The following TENM3 variants were observed in gnomAD, a reference collection of about 807,000 sequenced individuals.
TENM3 encodes the protein teneurin transmembrane protein 3, also known as teneurin-3.
A neutral mutation model predicts 255.1 loss-of-function variants in TENM3; 63 were observed. That is an observed-to-expected ratio of 0.25 (90% CI 0.20 to 0.30). TENM3 has a LOEUF of 0.30. Ranked by LOEUF, TENM3 falls within the 10% of genes least tolerant of loss-of-function variation. The pLI is 1.00. For synonymous variants in TENM3, 1,306 were observed against 1,322.3 expected, an observed-to-expected ratio of 0.99 and a Z score of 0.27; for missense variants, 2,929 against 3,461.1, an observed-to-expected ratio of 0.85 and a Z score of 3.86.
intron 3 of TENM3, among the ~76,000 whole-genome samples, chr4:182,528,738 T>C (rs190828738): frequency 1.3e-5 from 2 of 152,324 alleles, no homozygotes; most frequent in African/African-American, 4.8e-5. Flanking sequence ...CTGGGCCACA[T>C]TGGAAGAATT....
Position 182,751,876 on chromosome 4 carries a change from C to T in TENM3, c.3706C>T (p.Arg1236Cys), listed in dbSNP as rs753253485. Residue 1236 changes from arginine (R) to cysteine (C), a missense_variant, in exon 20 of 28, where the codon CGC (arginine) becomes TGC (cysteine). Arg to Cys is a radical substitution (Grantham distance 180). Around this residue, in one of 6 missense-constraint regions of TENM3, gnomAD observed 1,608 missense variants for 1,884.4 expected, o/e 0.85. Transcript: ENST00000511685. ...TCTGTACGTTTCTGACACAAACACCCGCAGAATTTATCGCCCAAAGTCACT... is the reference window on the plus strand; with the variant it reads ...TCTGTACGTTTCTGACACAAACACCTGCAGAATTTATCGCCCAAAGTCACT... ...GDLYVSDTNT[R>C]RIYRPKSLTG... 2.9e-5 allele frequency: 46 copies of T among 1,613,824 alleles called. No individual in the cohort carries two copies. The highest frequency in any genetic ancestry group is 3.5e-5 in the Non-Finnish European group (41 of 1,179,866).
At chr4:181,869,439 G>A in the TENM3 span, among the ~76,000 whole-genome samples, 1 of 151,978 alleles carries the variant, frequency 6.6e-6, no homozygotes, top group African/African-American at 2.4e-5. Context: ...ATTAATTTAA[G>A]GTTATGCATG....
At chr4:181,934,048 C>CTGTGTGTGTGTGTG in the TENM3 span, among the ~76,000 whole-genome samples, 2 of 147,474 alleles carry the variant, frequency 1.4e-5, no homozygotes, top group African/African-American at 5.0e-5. Flanking sequence ...ATTCCCCTTT[C>CTGTGTGTGTGTGTG]TGTGTGTGTG....
the TENM3 span, among the ~76,000 whole-genome samples, chr4:181,505,811 T>C: frequency 3.3e-5 from 5 of 152,208 alleles, no homozygotes; most frequent in African/African-American, 1.2e-4. Context: ...AGTAAATTTC[T>C]ATATTTTGCT....
At chr4:182,648,408 C>T (rs1056304279) in intron 5 of TENM3, among the ~76,000 whole-genome samples, 1 of 151,660 alleles carries the variant, frequency 6.6e-6, no homozygotes, top group Non-Finnish European at 1.5e-5. Flanking sequence ...CTCAGCCTCC[C>T]AAATAACTGG....
At chr4:181,711,840 G>A in the TENM3 span, among the ~76,000 whole-genome samples, 6 of 152,136 alleles carry the variant, frequency 3.9e-5, no homozygotes, top group Non-Finnish European at 7.3e-5. Flanking sequence ...TTGACCAGCT[G>A]TGCAGGATGG....
intron 3 of TENM3, among the ~76,000 whole-genome samples, chr4:182,416,537 C>A (rs1770372472): frequency 1.3e-5 from 2 of 151,442 alleles, no homozygotes; most frequent in African/African-American, 4.8e-5. Flanking sequence ...TTTAACATTT[C>A]TTTTGATTCA....
intron 1 of TENM3, among the ~76,000 whole-genome samples, chr4:182,180,583 T>C (rs1752779412): frequency 1.3e-5 from 2 of 152,064 alleles, no homozygotes; most frequent in South Asian, 4.1e-4. Context: ...TTTTTAACTT[T>C]AATATATTCA....
chr4:181,633,482 G>A, the TENM3 span, among the ~76,000 whole-genome samples: 2 of 152,270 alleles, frequency 1.3e-5, no homozygotes, highest in African/African-American at 2.4e-5. Context: ...ACTCCGAAAC[G>A]CAGAGGATGC....
chr4:181,534,417 T>C, the TENM3 span, among the ~76,000 whole-genome samples: 10 of 152,080 alleles, frequency 6.6e-5, no homozygotes, highest in Admixed American at 1.3e-4. Context: ...TTTAGTTCCT[T>C]TGGTGGTCAT....
intron 3 of TENM3, among the ~76,000 whole-genome samples, chr4:182,423,653 G>T (rs1428033169): frequency 1.3e-5 from 2 of 151,990 alleles, no homozygotes; most frequent in Non-Finnish European, 2.9e-5. Flanking sequence ...AATACCCCAA[G>T]CTCCAAGATG....
At chr4:181,946,857 C>A in the TENM3 span, among the ~76,000 whole-genome samples, 1 of 152,030 alleles carries the variant, frequency 6.6e-6, no homozygotes, top group Non-Finnish European at 1.5e-5. Flanking sequence ...CATAGAAAAT[C>A]CACTCCTTGG....
intron 1 of TENM3, among the ~76,000 whole-genome samples, chr4:182,209,246 G>A (rs1188404916): frequency 1.5e-4 from 23 of 151,522 alleles, no homozygotes; most frequent in Admixed American, 5.2e-4. Flanking sequence ...GGGATTACAG[G>A]CGTGAGCCAC....
the TENM3 span, among the ~76,000 whole-genome samples, chr4:181,816,624 C>G: frequency 1.3e-5 from 2 of 152,174 alleles, no homozygotes; most frequent in Non-Finnish European, 2.9e-5. Flanking sequence ...AAAATGAAGT[C>G]ATTATCTTCC....
intron 1 of TENM3, among the ~76,000 whole-genome samples, chr4:182,154,521 C>T (rs942553303): frequency 5.9e-5 from 9 of 151,894 alleles, no homozygotes; most frequent in East Asian, 1.9e-4. Flanking sequence ...TAATAGATTC[C>T]GTGAAATGCA....
the TENM3 span, among the ~76,000 whole-genome samples, chr4:181,720,497 G>A: frequency 6.6e-6 from 1 of 152,040 alleles, no homozygotes; most frequent in Admixed American, 6.6e-5. Context: ...TTTATACAGG[G>A]CATTCATTTT....
chr4:182,586,512 C>A (rs981936556), intron 3 of TENM3, among the ~76,000 whole-genome samples: 5 of 152,086 alleles, frequency 3.3e-5, no homozygotes, highest in Admixed American at 2.6e-4. Flanking sequence ...AAAAAACATA[C>A]CCCCAAATTG....
intron 3 of TENM3, among the ~76,000 whole-genome samples, chr4:182,524,336 C>T (rs1035730102): frequency 6.9e-6 from 1 of 145,008 alleles, no homozygotes; most frequent in Non-Finnish European, 1.5e-5. Flanking sequence ...GGTTAATATA[C>T]CTCCACACTG....
chr4:181,613,649 A>C, the TENM3 span, among the ~76,000 whole-genome samples: 1 of 152,228 alleles, frequency 6.6e-6, no homozygotes, highest in South Asian at 2.1e-4. Context: ...ATGATAAAAA[A>C]TAACACGTCC....
Sources: allele counts gnomAD v4.1 joint callset (sites outside exome capture counted in the v4.1 genomes callset), GRCh38; gene constraint gnomAD v4.1.1; regional missense constraint gnomAD v4.1.1; transcripts MANE v1.5; gene names NCBI Gene and HGNC (gene_info 2026-07-23, HGNC 2026-07-21).